The following TTC3 variants were observed in gnomAD, a reference collection of about 807,000 sequenced individuals.
The protein encoded by TTC3 is E3 ubiquitin-protein ligase TTC3.
Under a neutral mutation model 249.6 loss-of-function variants are expected in TTC3, and 180 were observed. That is an observed-to-expected ratio of 0.72 (90% CI 0.64 to 0.82). The LOEUF is 0.82. TTC3 is among the 40% of genes least tolerant of loss of function. The pLI is 0.00. For missense variants in TTC3, 2,061 were observed against 2,398.4 expected (o/e 0.86, Z 2.94); for synonymous variants, 717 against 805.0 (o/e 0.89, Z 1.85).
intron 11 of TTC3, among the ~76,000 whole-genome samples, chr21:37,118,569 T>G (rs937367989): frequency 2.6e-5 from 4 of 152,194 alleles, no homozygotes; most frequent in Non-Finnish European, 5.9e-5. Context: ...ACTTTTGTTG[T>G]GAATGACAGA....
chr21:37,087,275 G>T (rs1227263007), exon 2 of TTC3: 1 of 1,614,030 alleles, frequency 6.2e-7, no homozygotes, highest in Non-Finnish European at 8.5e-7. Context: ...ATTTTGCTGA[G>T]GGAGATTTCA....
At chr21:37,176,846 T>G (rs992704390) in intron 35 of TTC3, among the ~76,000 whole-genome samples, 2 of 152,174 alleles carry the variant, frequency 1.3e-5, no homozygotes, top group Admixed American at 6.5e-5. Flanking sequence ...AGCCCATGCA[T>G]TTGTTCTCCC....
At chr21:37,122,906 T>TA in intron 12 of TTC3, 77 bp from the exon 13 acceptor site, 1 of 1,374,984 alleles carries the variant, frequency 7.3e-7, no homozygotes, top group Non-Finnish European at 9.6e-7. Flanking sequence ...CAGCTTAAAG[T>TA]AAATTTGAAA....
At chr21:37,166,086 T>A (rs766608502) in exon 33 of TTC3, 1 of 1,614,070 alleles carries the variant, frequency 6.2e-7, no homozygotes, top group South Asian at 1.1e-5. Context: ...TACAAGCGAG[T>A]CTCCTGTAAT....
At chr21:37,074,165 G>A (rs945048265) in intron 1 of TTC3, among the ~76,000 whole-genome samples, 5 of 151,862 alleles carry the variant, frequency 3.3e-5, no homozygotes, top group Admixed American at 2.7e-4. Context: ...GACCCAGGAG[G>A]GGGGTAACCT....
At chr21:37,186,782 G>T (rs909142441) in intron 37 of TTC3, among the ~76,000 whole-genome samples, 1 of 152,170 alleles carries the variant, frequency 6.6e-6, no homozygotes, top group Non-Finnish European at 1.5e-5. Flanking sequence ...TAAAAATGGT[G>T]AACTGGAACA....
chr21:37,122,404 A>AAT (rs368908654), intron 12 of TTC3, among the ~76,000 whole-genome samples: 49 of 134,798 alleles, frequency 3.6e-4, no homozygotes, highest in African/African-American at 6.9e-4. Context: ...CAGCGTGCTG[A>AAT]ATATATATAT....
intron 34 of TTC3, among the ~76,000 whole-genome samples, chr21:37,172,078 T>A (rs1367912058): frequency 2.0e-5 from 3 of 152,240 alleles, no homozygotes; most frequent in African/African-American, 7.2e-5. Context: ...GTTTGGGGTT[T>A]TTTTTGTTGT....
At position 37,131,439 on chromosome 21, in the gene TTC3, A is replaced by C. The variant is rs186184865; in HGVS notation, c.1359-1243A>C. Among the ~76,000 whole-genome samples the C allele has an allele frequency of 1.5e-3, 224 of 152,322 alleles. 2 individuals are homozygous for C. The highest frequency in any genetic ancestry group is 4.9e-3 in the African/African-American group (205 of 41,572). On this transcript the variant is annotated intron_variant, in intron 16 of 45. Transcript: ENST00000355666. ...GGCTGACGAACACATTGATGTGCTG[A>C]GAAAGTGGCATGCCCAAGGGGATCA... is the stretch of plus-strand genomic sequence containing the variant.
At chr21:37,174,343 A>G (rs773125490) in intron 35 of TTC3, among the ~76,000 whole-genome samples, 2 of 152,220 alleles carry the variant, frequency 1.3e-5, no homozygotes, top group Admixed American at 6.5e-5. Context: ...ATAAGTTATT[A>G]GACTTGCCAC....
chr21:37,201,292 G>T (rs927310383), intron 45 of TTC3, 148 bp from the exon 46 acceptor site: 11 of 957,764 alleles, frequency 1.1e-5, no homozygotes, highest in Non-Finnish European at 1.7e-5. Context: ...GCCTGAGCGG[G>T]TGTTGGTGTC....
At chr21:37,115,174 TATAATAATA>T (rs1246754731) in intron 11 of TTC3, among the ~76,000 whole-genome samples, 7 of 144,498 alleles carry the variant, frequency 4.8e-5, no homozygotes, top group South Asian at 2.2e-4. Flanking sequence ...AAACTTAAAG[TATAATAATA>T]ATAATAATAA....
At chr21:37,120,353 T>G (rs1455441233) in intron 11 of TTC3, among the ~76,000 whole-genome samples, 1 of 152,214 alleles carries the variant, frequency 6.6e-6, no homozygotes. Context: ...AGTTACATTA[T>G]GTTTTATAGG....
At chr21:37,091,188 T>A in intron 6 of TTC3, 105 bp from the exon 7 acceptor site, 2 of 1,246,102 alleles carry the variant, frequency 1.6e-6, no homozygotes, top group Non-Finnish European at 2.3e-6. Flanking sequence ...TGTACCAGTT[T>A]TGTAGTAAGG....
chr21:37,170,579 G>T (rs1042682534), intron 34 of TTC3, among the ~76,000 whole-genome samples: 1 of 152,060 alleles, frequency 6.6e-6, no homozygotes, highest in Non-Finnish European at 1.5e-5. Flanking sequence ...CATCAATAGC[G>T]GACTAGTTAA....
intron 14 of TTC3, among the ~76,000 whole-genome samples, chr21:37,125,512 C>CTT (rs2076979101): frequency 6.6e-6 from 1 of 152,070 alleles, no homozygotes; most frequent in Non-Finnish European, 1.5e-5. Flanking sequence ...GTCTTTTCAC[C>CTT]CCATCTGATT....
chr21:37,155,291 AG>A (rs869147368), intron 27 of TTC3, among the ~76,000 whole-genome samples: 2 of 110 alleles, frequency 0.018, no homozygotes, highest in Non-Finnish European at 0.03. Context: ...AAGGGAGGAA[AG>A]GAGGAAAGGA....
intron 1 of TTC3, among the ~76,000 whole-genome samples, chr21:37,085,062 A>G (rs1453811325): frequency 6.6e-6 from 1 of 152,224 alleles, no homozygotes; most frequent in Non-Finnish European, 1.5e-5. Context: ...ATTACAGTAC[A>G]ATTGGTGCTG....
exon 38 of TTC3, chr21:37,187,128 A>G: frequency 6.3e-7 from 1 of 1,580,348 alleles, no homozygotes; most frequent in Non-Finnish European, 8.5e-7. Context: ...GAGTCATCAG[A>G]GAGCTGTGGC....
Sources: gnomAD v4.1 joint callset for allele counts (sites outside exome capture counted in the v4.1 genomes callset) on GRCh38, gnomAD v4.1.1 for gene constraint, MANE v1.5 for transcripts, NCBI Gene and HGNC (gene_info 2026-07-23, HGNC 2026-07-21) for gene names.